The following SDK1 variants were observed in gnomAD, a reference collection of about 807,000 sequenced individuals.
SDK1 encodes protein sidekick-1.
Under a neutral mutation model 245.5 loss-of-function variants are expected in SDK1, and 157 were observed. That is an observed-to-expected ratio of 0.64 (90% CI 0.56 to 0.73). SDK1 has a LOEUF of 0.73. SDK1 is among the 30% of genes least tolerant of loss of function. The pLI, the probability that SDK1 is intolerant of heterozygous loss-of-function variation, is 0.00. For missense variants in SDK1, 3,583 were observed against 3,002.3 expected (o/e 1.19, Z -4.52); for synonymous variants, 1,647 against 1,278.5 (o/e 1.29, Z -6.15).
intron 1 of SDK1, among the ~76,000 whole-genome samples, chr7:3,500,101 G>A (rs1369980774): frequency 6.6e-6 from 1 of 152,084 alleles, no homozygotes; most frequent in Non-Finnish European, 1.5e-5. Flanking sequence ...GGTGAGTGGG[G>A]TTTAGGGGGG....
chr7:3,463,499 A>G (rs1780896391), intron 1 of SDK1, among the ~76,000 whole-genome samples: 1 of 152,216 alleles, frequency 6.6e-6, no homozygotes, highest in Admixed American at 6.5e-5. Context: ...AAATAGGGAT[A>G]ATAATTATAT....
intron 25 of SDK1, among the ~76,000 whole-genome samples, chr7:4,123,745 A>C (rs563907952): frequency 4.7e-4 from 71 of 152,366 alleles, no homozygotes; most frequent in Non-Finnish European, 8.5e-4. Flanking sequence ...AAGGGGGCTC[A>C]CAGTGTTTTT....
intron 22 of SDK1, among the ~76,000 whole-genome samples, chr7:4,105,589 G>C (rs540893175): frequency 1.1e-4 from 16 of 152,318 alleles, no homozygotes; most frequent in Admixed American, 9.1e-4. Context: ...ACAGGCGTGA[G>C]CCACCACGCC....
chr7:3,612,830 G>A (rs1285982461), intron 1 of SDK1, among the ~76,000 whole-genome samples: 4 of 151,992 alleles, frequency 2.6e-5, no homozygotes, highest in Non-Finnish European at 5.9e-5. Flanking sequence ...CCTGATTGAC[G>A]GTGCTGATTA....
chr7:4,160,456 CT>C (rs1436695484), intron 31 of SDK1, among the ~76,000 whole-genome samples: 2 of 152,178 alleles, frequency 1.3e-5, no homozygotes, highest in Admixed American at 1.3e-4. Flanking sequence ...ATGCACCTAT[CT>C]TGTCATCGCC....
intron 1 of SDK1, among the ~76,000 whole-genome samples, chr7:3,497,342 T>TG (rs1273611110): frequency 2.0e-5 from 3 of 152,220 alleles, no homozygotes; most frequent in Non-Finnish European, 2.9e-5. Context: ...GTAGTATTTG[T>TG]GGGAAATGTC....
chr7:3,628,241 A>G (rs551850826), intron 2 of SDK1, among the ~76,000 whole-genome samples: 2 of 152,186 alleles, frequency 1.3e-5, no homozygotes, highest in Non-Finnish European at 2.9e-5. Context: ...AGTTCTGTTA[A>G]TAATTCCCTC....
intron 25 of SDK1, among the ~76,000 whole-genome samples, chr7:4,122,873 C>A (rs984166187): frequency 2.0e-5 from 3 of 152,180 alleles, no homozygotes; most frequent in South Asian, 2.1e-4. Flanking sequence ...AACTTTGCAA[C>A]TCCATGGCAG....
intron 1 of SDK1, among the ~76,000 whole-genome samples, chr7:3,429,219 G>C (rs1779761296): frequency 8.0e-6 from 1 of 125,528 alleles, no homozygotes. Flanking sequence ...GATAGATGAA[G>C]GCTGAGAAAA....
At chr7:3,448,744 A>C (rs932229311) in intron 1 of SDK1, among the ~76,000 whole-genome samples, 1 of 152,202 alleles carries the variant, frequency 6.6e-6, no homozygotes, top group African/African-American at 2.4e-5. Flanking sequence ...AAATGCCATC[A>C]GTACTTTAAA....
intron 1 of SDK1, among the ~76,000 whole-genome samples, chr7:3,451,133 G>A (rs1583876361): frequency 6.6e-6 from 1 of 152,152 alleles, no homozygotes; most frequent in South Asian, 2.1e-4. Flanking sequence ...GGGAGATGAT[G>A]TAGGGCTGAG....
chr7:3,462,939 ACCACAGAC>A (rs1780879066), intron 1 of SDK1, among the ~76,000 whole-genome samples: 1 of 152,176 alleles, frequency 6.6e-6, no homozygotes, highest in Non-Finnish European at 1.5e-5. Context: ...AAGGATAAAG[ACCACAGAC>A]CCTCACATGG....
intron 1 of SDK1, among the ~76,000 whole-genome samples, chr7:3,479,309 C>G (rs1781438012): frequency 6.7e-6 from 1 of 149,752 alleles, no homozygotes. Flanking sequence ...GTAGTCCCAG[C>G]TACTTGGGAG....
At chr7:3,324,612 A>G (rs191752588) in intron 1 of SDK1, among the ~76,000 whole-genome samples, 2 of 152,322 alleles carry the variant, frequency 1.3e-5, no homozygotes, top group Admixed American at 6.5e-5. Context: ...CTCCCATTGT[A>G]TAACTGTAAT....
At chr7:3,721,609 T>C (rs544044134) in intron 4 of SDK1, among the ~76,000 whole-genome samples, 2 of 152,258 alleles carry the variant, frequency 1.3e-5, no homozygotes, top group East Asian at 3.9e-4. Context: ...TCTCTTCTGC[T>C]CTAACCAGGC....
intron 1 of SDK1, among the ~76,000 whole-genome samples, chr7:3,544,591 A>T (rs979905938): frequency 3.1e-4 from 47 of 152,242 alleles, no homozygotes; most frequent in African/African-American, 1.0e-3. Flanking sequence ...AGATTTTAAC[A>T]TCTACAAGTT....
In SDK1 at chr7:3,511,017, G is replaced by A. The variant is rs114159993; in HGVS notation, c.299-108063G>A. Among the ~76,000 whole-genome samples the A allele has an allele frequency of 2.5e-3, 375 of 152,286 alleles. 4 individuals are homozygous for A. The highest frequency in any genetic ancestry group is 8.8e-3 in the African/African-American group (366 of 41,562). On this transcript the variant is annotated intron_variant, in intron 1 of 44. Transcript: ENST00000404826. ...TGTCTTGAAGAGTGTAGGGGGACGA[G>A]GGTGAAAATGGAGGCTGTCACAGCA...
chr7:3,526,346 T>C (rs1444377412), intron 1 of SDK1, among the ~76,000 whole-genome samples: 10 of 152,236 alleles, frequency 6.6e-5, no homozygotes, highest in African/African-American at 2.4e-4. Flanking sequence ...TTTATTGTAA[T>C]CTGGCAATAT....
intron 1 of SDK1, among the ~76,000 whole-genome samples, chr7:3,557,030 A>T (rs1042887070): frequency 1.1e-5 from 1 of 90,648 alleles, no homozygotes; most frequent in African/African-American, 3.4e-5. Context: ...TCAATAATCT[A>T]AGTTAATACC....
Sources: gnomAD v4.1 joint callset for allele counts (sites outside exome capture counted in the v4.1 genomes callset) on GRCh38, gnomAD v4.1.1 for gene constraint, MANE v1.5 for transcripts, NCBI Gene and HGNC (gene_info 2026-07-23, HGNC 2026-07-21) for gene names.